The following GAS7 variants were observed in gnomAD, a reference collection of about 807,000 sequenced individuals.
GAS7 encodes the protein growth arrest-specific protein 7.
A neutral mutation model predicts 71.1 loss-of-function variants in GAS7; 28 were observed. That is an observed-to-expected ratio of 0.39 (90% CI 0.29 to 0.54). The LOEUF is 0.54. GAS7 is among the 20% of genes least tolerant of loss of function. GAS7 has a pLI of 0.62. For missense variants in GAS7, 436 were observed against 627.8 expected (o/e 0.69, Z 3.27); for synonymous variants, 258 against 245.8 (o/e 1.05, Z -0.46).
chr17:9,926,585 T>G lies in GAS7; in HGVS notation c.1014+56A>C. The G allele has an allele frequency of 6.3e-7, 1 of 1,589,882 alleles. No homozygotes were observed. Among genetic ancestry groups the G allele is most frequent in the Non-Finnish European group, 8.6e-7 (1 of 1,164,574 alleles). On this transcript the variant is annotated intron_variant, in intron 10 of 13. Coordinates refer to ENST00000432992, the MANE Select transcript of GAS7 (RefSeq NM_201433.2). This position sits in a 1 kb window ranked among gnomAD's most constrained non-coding sequence, Gnocchi z 5.0. Reference sequence around the variant, plus strand: ...GCCACTGCTGGCTTCCCAGTCCCCCTTCTTCCAGGCAGTCCCCCATGCACC... The same window carrying G: ...GCCACTGCTGGCTTCCCAGTCCCCCGTCTTCCAGGCAGTCCCCCATGCACC...
intron 1 of GAS7, among the ~76,000 whole-genome samples, chr17:10,120,115 G>A (rs1442645040): frequency 4.6e-5 from 2 of 43,930 alleles, no homozygotes; most frequent in African/African-American, 9.0e-5. Context: ...CCCCCGCCCC[G>A]TGACAATCCC....
At chr17:9,938,810 TC>T (rs2068494677) in intron 8 of GAS7, among the ~76,000 whole-genome samples, 1 of 152,130 alleles carries the variant, frequency 6.6e-6, no homozygotes, top group Non-Finnish European at 1.5e-5. Context: ...CAAATGACAA[TC>T]CACTTTCTGT....
intron 13 of GAS7, among the ~76,000 whole-genome samples, 161 bp downstream of exon 13, chr17:9,917,840 G>T (rs2067637787): frequency 1.3e-5 from 2 of 152,342 alleles, no homozygotes; most frequent in East Asian, 3.9e-4. Context: ...AATCCTGAGA[G>T]GCCCAGTCCA....
chr17:9,975,628 G>T (rs534568463), intron 3 of GAS7, among the ~76,000 whole-genome samples: 2 of 151,726 alleles, frequency 1.3e-5, no homozygotes, highest in African/African-American at 4.8e-5. Context: ...TGTTAAACAG[G>T]ATAGCAATTC....
chr17:10,132,157 T>G (rs115092701), intron 1 of GAS7, among the ~76,000 whole-genome samples: 2 of 152,266 alleles, frequency 1.3e-5, no homozygotes, highest in African/African-American at 4.8e-5. Context: ...TATGAATACA[T>G]GTACTCGTGA....
intron 1 of GAS7, among the ~76,000 whole-genome samples, chr17:10,157,832 A>G (rs1036559727): frequency 1.3e-5 from 2 of 152,114 alleles, no homozygotes; most frequent in African/African-American, 4.8e-5. Flanking sequence ...TGAAACCCAG[A>G]TGGCCAGTAA....
intron 1 of GAS7, among the ~76,000 whole-genome samples, chr17:10,126,381 C>T (rs1482978561): frequency 2.6e-5 from 4 of 151,660 alleles, no homozygotes; most frequent in Non-Finnish European, 5.9e-5. Flanking sequence ...CACACCCACA[C>T]ACTCACGCAC....
chr17:10,181,359 C>CA lies in GAS7; in HGVS notation c.183+16848dup, dbSNP rs71365733. Among the ~76,000 whole-genome samples the CA allele has an allele frequency of 1.9e-3, 261 of 137,806 alleles. 1 individual carries two copies. Among genetic ancestry groups the CA allele is most frequent in the African/African-American group, 5.4e-3 (201 of 37,274 alleles). The allele number at this position is 137,806 out of a possible 152,430, so 90.4% of individuals were successfully genotyped here. On this transcript the variant is annotated intron_variant, in intron 1 of 13. Coordinates refer to ENST00000432992, the MANE Select transcript of GAS7 (RefSeq NM_201433.2). ...TGGGTGACAGAGCAAGACTCCACCTCAAAAAAAAAAAGAATAGAATAGAAT... is the reference window on the plus strand; with the variant it reads ...TGGGTGACAGAGCAAGACTCCACCTCAAAAAAAAAAAAGAATAGAATAGAAT...
intron 11 of GAS7, among the ~76,000 whole-genome samples, chr17:9,923,428 G>A (rs1265623583): frequency 6.6e-6 from 1 of 151,714 alleles, no homozygotes; most frequent in African/African-American, 2.4e-5. Context: ...GACAATCTAG[G>A]AAAAATATCT....
intron 1 of GAS7, among the ~76,000 whole-genome samples, chr17:10,142,858 T>C (rs2074093290): frequency 6.6e-6 from 1 of 151,668 alleles, no homozygotes; most frequent in Non-Finnish European, 1.5e-5. Context: ...TAACAGGGAG[T>C]GTGTCATGAA....
intron 2 of GAS7, among the ~76,000 whole-genome samples, chr17:9,988,238 G>A (rs1216938612): frequency 6.6e-6 from 1 of 152,166 alleles, no homozygotes; most frequent in Non-Finnish European, 1.5e-5. Context: ...TCCTCACAAG[G>A]AGGGTCTGCC....
Position 9,959,049 on chromosome 17 carries a change from AT to A in GAS7, c.525+152del. 1 of 1,332,500 alleles carries A rather than the reference AT, an allele frequency of 7.5e-7. No homozygotes were observed. Among genetic ancestry groups the A allele is most frequent in the East Asian group, 2.6e-5 (1 of 38,850 alleles). 82.5% of individuals were successfully genotyped at this position (1,332,500 alleles called of 1,614,324 possible). A position where few individuals can be genotyped will look rare whatever the true frequency, so the allele number is the denominator to read the frequency against. On this transcript the variant is annotated intron_variant, in intron 5 of 13. Transcript: ENST00000432992. This position sits in a 1 kb window ranked among gnomAD's most constrained non-coding sequence, Gnocchi z 5.0. ...AAGGGGAGGTGGGAGGGGCATGTGG[AT>A]GGGGAACTTGAGTGAAATCCGAGCT...
At chr17:9,988,482 G>A (rs909355811) in intron 2 of GAS7, among the ~76,000 whole-genome samples, 2 of 152,170 alleles carry the variant, frequency 1.3e-5, no homozygotes, top group African/African-American at 2.4e-5. Flanking sequence ...CAGAGACCTG[G>A]TTCCCTCCTG....
At chr17:10,003,377 G>C (rs757142578) in intron 2 of GAS7, among the ~76,000 whole-genome samples, 1 of 152,202 alleles carries the variant, frequency 6.6e-6, no homozygotes, top group Non-Finnish European at 1.5e-5. Context: ...TATGAAAACA[G>C]TGACATTGTC....
chr17:10,031,257 A>C (rs2072610105), intron 1 of GAS7, among the ~76,000 whole-genome samples: 1 of 152,208 alleles, frequency 6.6e-6, no homozygotes, highest in African/African-American at 2.4e-5. Flanking sequence ...GGGAGAGGAC[A>C]CAGAACAATA....
intron 1 of GAS7, among the ~76,000 whole-genome samples, chr17:10,139,952 T>C (rs545101274): frequency 1.3e-5 from 2 of 152,308 alleles, no homozygotes; most frequent in African/African-American, 2.4e-5. Context: ...TTCTGCAGGA[T>C]ACCCACACTA....
intron 1 of GAS7, among the ~76,000 whole-genome samples, chr17:10,050,066 C>T (rs1204793527): frequency 6.6e-6 from 1 of 152,110 alleles, no homozygotes; most frequent in Non-Finnish European, 1.5e-5. Context: ...TCCATGTTTT[C>T]TATAATGAGC....
intron 1 of GAS7, among the ~76,000 whole-genome samples, chr17:10,085,953 C>T (rs1170352743): frequency 5.3e-5 from 8 of 152,068 alleles, no homozygotes; most frequent in African/African-American, 1.7e-4. Context: ...TCACTTCATC[C>T]TCCTGCCTCG....
chr17:10,020,859 G>C (rs2072239681), intron 1 of GAS7, among the ~76,000 whole-genome samples: 1 of 152,184 alleles, frequency 6.6e-6, no homozygotes, highest in African/African-American at 2.4e-5. Flanking sequence ...GTTGCAGTGA[G>C]CAGAGATCGC....
Sources: gnomAD v4.1 joint callset for allele counts (sites outside exome capture counted in the v4.1 genomes callset) on GRCh38, gnomAD v4.1.1 for gene constraint, Gnocchi (gnomAD v3.1) non-coding constraint, MANE v1.5 for transcripts, NCBI Gene and HGNC (gene_info 2026-07-23, HGNC 2026-07-21) for gene names.